IFT22: variants seen among roughly 807,000 people sequenced by gnomAD.
The protein encoded by IFT22 is intraflagellar transport 22.
In IFT22, 13 loss-of-function variants were observed where a neutral mutation model predicts 21.0. The ratio of observed to expected loss-of-function variants is 0.62; its 90% CI spans 0.40 to 0.98. The LOEUF (loss-of-function observed/expected upper bound fraction) is 0.98, where lower values mean the gene tolerates loss of function less well. IFT22 is among the 50% of genes least tolerant of loss of function. The probability of loss-of-function intolerance (pLI) is 0.00; values close to 1 mark genes in which losing one functional copy is unlikely to be tolerated. For synonymous variants in IFT22, 67 were observed against 82.4 expected (o/e 0.81, Z 1.01); for missense variants, 227 against 228.9 (o/e 0.99, Z 0.06).
In IFT22 at chr7:101,310,940, T is replaced by G; in HGVS notation, c.*4194A>C. ...GAAGGCTTTTACTCAATTCAAATAT[T>G]TAATGGGTTGTACTCTGGCCATTCA... On this transcript the variant is annotated 3_prime_UTR_variant, in exon 5 of 5. Transcript: ENST00000315322. 5.2e-6 allele frequency: 2 copies of G among 381,960 alleles called. No individual in the cohort carries two copies. The highest frequency in any genetic ancestry group is 1.0e-5 in the Non-Finnish European group (2 of 192,300). 23.7% of individuals were successfully genotyped at this position (381,960 alleles called of 1,614,324 possible). A position where few individuals can be genotyped will look rare whatever the true frequency, so the allele number is the denominator to read the frequency against.
rs1303279269 is a variant in IFT22 at position 101,316,373 on chromosome 7, C to T, written c.376G>A (p.Gly126Ser). Reference protein sequence around the residue: ...QCMLIAHHKPGSGDDKGSLSL... With the variant: ...QCMLIAHHKPSSGDDKGSLSL... ...AGGCTTCCTTTATCATCTCCAGAGCCTGGTTTGTGGTGTGCAATTAGCATA... is the reference window on the plus strand; with the variant it reads ...AGGCTTCCTTTATCATCTCCAGAGCTTGGTTTGTGGTGTGCAATTAGCATA... The change falls in exon 4 of 5, where the codon GGC (glycine) becomes AGC (serine). Residue 126 changes from glycine (G) to serine (S), a missense_variant. Physicochemically the swap from Gly to Ser is moderately conservative, Grantham distance 56 (BLOSUM62 0). Coordinates refer to ENST00000315322, the MANE Select transcript of IFT22 (RefSeq NM_022777.4). 6.2e-7 allele frequency: 1 copy of T among 1,614,152 alleles called. No homozygotes were observed.
chr7:101,315,387 GATC>G, intron 4 of IFT22, 105 bp from the exon 5 acceptor site: 1 of 1,247,736 alleles, frequency 8.0e-7, no homozygotes, highest in Non-Finnish European at 1.1e-6. Context: ...GAAGTTCACA[GATC>G]AAGTTGTCTT....
chr7:101,317,142 TA>T (rs566213191), intron 3 of IFT22, among the ~76,000 whole-genome samples: 8 of 150,652 alleles, frequency 5.3e-5, no homozygotes, highest in East Asian at 1.9e-4. Flanking sequence ...ATTTCTTCAT[TA>T]AAAAAAAATT....
rs1021510263 is a variant in IFT22, at chr7:101,313,298, C to G, written c.*1836G>C. Reference sequence around the variant, plus strand: ...GCTTCCATCAGTTCTCCCATCTTAGCCTCCCAAAGTGTTGGGATTACAGGT... The same window carrying G: ...GCTTCCATCAGTTCTCCCATCTTAGGCTCCCAAAGTGTTGGGATTACAGGT... On this transcript the variant is annotated 3_prime_UTR_variant, in exon 5 of 5. Transcript: ENST00000315322. 1.3e-5 allele frequency: 2 copies of G among 152,062 alleles called. No individual in the cohort carries two copies. Among genetic ancestry groups the G allele is most frequent in the African/African-American group, 4.8e-5 (2 of 41,382 alleles). 9.4% of individuals were successfully genotyped at this position (152,062 alleles called of 1,614,324 possible).
chr7:101,321,424 T>C lies in IFT22; in HGVS notation c.39+247A>G, dbSNP rs1790343906. The stretch of plus-strand genomic sequence containing the variant: ...CTATGGTTCCAATGATGCCACTCAG[T>C]ACCTTGGGCCTTCGGGGCTCATTAA... On this transcript the variant is annotated intron_variant, in intron 1 of 4. Coordinates refer to ENST00000315322, the MANE Select transcript of IFT22 (RefSeq NM_022777.4). 15 of 540,766 alleles carry C rather than the reference T, an allele frequency of 2.8e-5. No individual in the cohort carries two copies. The South Asian group carries it at 3.1e-4, about 11-fold the overall frequency. The allele number at this position is 540,766 out of a possible 1,614,324, so 33.5% of individuals were successfully genotyped here.
At chr7:101,319,184 G>T in intron 1 of IFT22, 152 bp from the exon 2 acceptor site, 1 of 663,578 alleles carries the variant, frequency 1.5e-6, no homozygotes. Context: ...TCACTGTCTT[G>T]CTCTAGTGCA....
rs780105096 is a variant in IFT22 at position 101,321,636 on chromosome 7, C to G, written c.39+35G>C. ...GCTCGCCCAGGCCCCGAGGCCTGCT[C>G]CCCGCTCCCTCTGCCGCGCCGGGCC... On this transcript the variant is annotated intron_variant, in intron 1 of 4. Transcript: ENST00000315322. 13 of 1,578,786 alleles carry G rather than the reference C, an allele frequency of 8.2e-6. No individual in the cohort carries two copies. The East Asian group carries it at 2.5e-4, about 31-fold the overall frequency.
chr7:101,317,058 G>A (rs957779803), intron 3 of IFT22, among the ~76,000 whole-genome samples: 1 of 151,974 alleles, frequency 6.6e-6, no homozygotes, highest in East Asian at 1.9e-4. Context: ...GTGGGCCCAA[G>A]TGATCCTTCT....
chr7:101,318,084 A>C, intron 3 of IFT22, 40 bp downstream of exon 3: 1 of 1,570,552 alleles, frequency 6.4e-7, no homozygotes, highest in Non-Finnish European at 8.7e-7. Flanking sequence ...GCTGATTTTT[A>C]AACCATTTGA....
In IFT22 at chr7:101,321,801, G is replaced by A. The variant is rs1386412879; in HGVS notation, c.-92C>T. The A allele has an allele frequency of 3.9e-6, 5 of 1,284,058 alleles. No individual in the cohort carries two copies. Among genetic ancestry groups the A allele is most frequent in the Admixed American group, 3.9e-5 (1 of 25,678 alleles). 79.5% of individuals were successfully genotyped at this position (1,284,058 alleles called of 1,614,324 possible). A position where few individuals can be genotyped will look rare whatever the true frequency, so the allele number is the denominator to read the frequency against. On this transcript the variant is annotated 5_prime_UTR_variant, in exon 1 of 5. Coordinates refer to ENST00000315322, the MANE Select transcript of IFT22 (RefSeq NM_022777.4). Reference sequence around the variant, plus strand: ...TGGCCGCTTTCGTTTCCATGGCGACGGAGAGAGGCCCGCAGGGCCGACGGG... The same window carrying A: ...TGGCCGCTTTCGTTTCCATGGCGACAGAGAGAGGCCCGCAGGGCCGACGGG...
In IFT22 at chr7:101,318,958, C is replaced by T. The variant is rs1287090830; in HGVS notation, c.114G>A (p.Val38=). The part of the protein sequence containing the change: ...DITEYSPTQG[V]RILEFENPHV... The stretch of plus-strand genomic sequence containing the variant: ...GACACAGATTTGTCAGGGCTCACCT[C>T]ACTCCTTGGGTTGGGCTGTATTCAG... Residue 38 remains valine, a splice_region_variant and synonymous_variant, in exon 2 of 5, where the codon GTG becomes GTA. Transcript: ENST00000315322. 1 of 1,613,056 alleles carries T rather than the reference C, an allele frequency of 6.2e-7. No homozygotes were observed.
At chr7:101,317,235 C>T (rs1259650502) in intron 3 of IFT22, among the ~76,000 whole-genome samples, 1 of 151,722 alleles carries the variant, frequency 6.6e-6, no homozygotes, top group Non-Finnish European at 1.5e-5. Context: ...CTTGGCTCAC[C>T]GCAATGTCCA....
At position 101,311,861 on chromosome 7, in the gene IFT22, AG is replaced by A. The variant is rs1204805915; in HGVS notation, c.*3272del. 1.3e-5 allele frequency among the ~76,000 whole-genome samples: 2 copies of A among 151,706 alleles called. No individual in the cohort carries two copies. Among genetic ancestry groups the A allele is most frequent in the Non-Finnish European group, 2.9e-5 (2 of 67,928 alleles). On this transcript the variant is annotated 3_prime_UTR_variant, in exon 5 of 5. Coordinates refer to ENST00000315322, the MANE Select transcript of IFT22 (RefSeq NM_022777.4). ...CGTCTCTACTAAAAATACAAAAATT[AG>A]CCGGGTGCAGTGGCAGGCACCTGTA...
chr7:101,320,666 C>T (rs1247404437), intron 1 of IFT22, among the ~76,000 whole-genome samples: 1 of 151,820 alleles, frequency 6.6e-6, no homozygotes, highest in Non-Finnish European at 1.5e-5. Context: ...ACTACCACGC[C>T]CCCAACACAC....
chr7:101,321,560 C>G, intron 1 of IFT22, 111 bp downstream of exon 1: 1 of 1,190,310 alleles, frequency 8.4e-7, no homozygotes, highest in Non-Finnish European at 1.2e-6. Context: ...GCGGTGGGCC[C>G]GGGTTCCCGC....
chr7:101,316,538 CA>C lies in IFT22; in HGVS notation c.210del (p.Phe70LeufsTer8). 6.2e-7 allele frequency: 1 copy of C among 1,613,928 alleles called. No homozygotes were observed. The highest frequency in any genetic ancestry group is 8.5e-7 in the Non-Finnish European group (1 of 1,179,920). On this transcript the variant is annotated frameshift_variant, in exon 4 of 5. Transcript: ENST00000315322. LOFTEE classifies it high-confidence loss of function. ...TTCATCAGGGCCGGCCAGCAGGACT[CA>C]AACCTGCGAGGAAGAAAAGGAACAA... ...ELWDCGGDAK[F>X]ESCWPALMKD... is the part of the protein sequence containing the mutation.
intron 4 of IFT22, 153 bp downstream of exon 4, chr7:101,316,187 C>T (rs1790143682): frequency 2.9e-6 from 2 of 687,310 alleles, no homozygotes; most frequent in South Asian, 1.8e-5. Flanking sequence ...TTAGTAGAGA[C>T]GTAGTGGACT....
Position 101,312,533 on chromosome 7 carries a change from GTTT to G in IFT22, c.*2598_*2600del, listed in dbSNP as rs386410832. Among the ~76,000 whole-genome samples the G allele has an allele frequency of 5.2e-5, 6 of 114,604 alleles. No individual in the cohort carries two copies. Among genetic ancestry groups the G allele is most frequent in the African/African-American group, 6.5e-5 (2 of 30,624 alleles). The allele number at this position is 114,604 out of a possible 152,430, so 75.2% of individuals were successfully genotyped here. ...TAAATATAATGTTTTGGAGAGAGTT[GTTT>G]TTTTTTTTTTTTTTTTTGTGACGGA... On this transcript the variant is annotated 3_prime_UTR_variant, in exon 5 of 5. Coordinates refer to ENST00000315322, the MANE Select transcript of IFT22 (RefSeq NM_022777.4).
Position 101,321,781 on chromosome 7 carries a change from G to T in IFT22, c.-72C>A. On this transcript the variant is annotated 5_prime_UTR_variant, in exon 1 of 5. Coordinates refer to ENST00000315322, the MANE Select transcript of IFT22 (RefSeq NM_022777.4). ...CGTCAGGACGGAGCTCTACTTGGCC[G>T]CTTTCGTTTCCATGGCGACGGAGAG... 1 of 1,430,056 alleles carries T rather than the reference G, an allele frequency of 7.0e-7. No individual in the cohort carries two copies. Among genetic ancestry groups the T allele is most frequent in the Non-Finnish European group, 9.3e-7 (1 of 1,073,230 alleles). 88.6% of individuals were successfully genotyped at this position (1,430,056 alleles called of 1,614,324 possible).
Sources: gnomAD v4.1 joint callset for allele counts (sites outside exome capture counted in the v4.1 genomes callset) on GRCh38, gnomAD v4.1.1 for gene constraint, MANE v1.5 for transcripts, NCBI Gene and HGNC (gene_info 2026-07-23, HGNC 2026-07-21) for gene names.